PDIA5: variants seen among roughly 807,000 people sequenced by gnomAD.
PDIA5 encodes protein disulfide-isomerase A5.
A neutral mutation model predicts 77.6 loss-of-function variants in PDIA5; 58 were observed. That is an observed-to-expected ratio of 0.75 (90% CI 0.61 to 0.93). The LOEUF (loss-of-function observed/expected upper bound fraction) is 0.93. Ranked by LOEUF, PDIA5 falls within the 40% of genes least tolerant of loss-of-function variation. The pLI, the probability that PDIA5 is intolerant of heterozygous loss-of-function variation, is 0.00. For synonymous variants in PDIA5, 250 were observed against 252.1 expected, an observed-to-expected ratio of 0.99 and a Z score of 0.08; for missense variants, 630 against 647.7, an observed-to-expected ratio of 0.97 and a Z score of 0.30.
At chr3:123,102,729 C>G (rs754352755) in intron 4 of PDIA5, 22 bp from the exon 5 acceptor site, 24 of 1,585,718 alleles carry the variant, frequency 1.5e-5, no homozygotes, top group Admixed American at 6.7e-5. Flanking sequence ...AAAGTTAACA[C>G]ATTTTTCTCC....
At chr3:123,068,607 G>A (rs1482446401) in intron 1 of PDIA5, among the ~76,000 whole-genome samples, 1 of 152,210 alleles carries the variant, frequency 6.6e-6, no homozygotes, top group Non-Finnish European at 1.5e-5. Flanking sequence ...AGGAGGTCCT[G>A]CTTTCCTCCC....
chr3:123,121,494 T>C (rs1372924204), intron 8 of PDIA5, among the ~76,000 whole-genome samples: 2 of 152,226 alleles, frequency 1.3e-5, no homozygotes, highest in Non-Finnish European at 2.9e-5. Flanking sequence ...TTTTGCCTCA[T>C]TAACTAATAG....
chr3:123,134,175 C>T (rs189156325), intron 11 of PDIA5, among the ~76,000 whole-genome samples: 248 of 152,198 alleles, frequency 1.6e-3, no homozygotes, highest in Admixed American at 0.015. Context: ...AGGTGCACAC[C>T]GCCACACCTG....
chr3:123,116,250 G>A lies in PDIA5; in HGVS notation c.561G>A (p.Arg187=), dbSNP rs1934995550. 6.2e-7 allele frequency: 1 copy of A among 1,614,064 alleles called. No individual in the cohort carries two copies. Residue 187 remains arginine, a synonymous_variant, in exon 8 of 17, where the codon AGG becomes AGA. Transcript: ENST00000316218. ...GACCAGGGTGCAGCATGTGCAAGAG[G>A]ATGATGCCGCATTTCCAGAAGGCTG... ...FYAPWCSMCK[R]MMPHFQKAAT...
At chr3:123,155,137 T>C (rs1935992042) in intron 15 of PDIA5, 96 bp downstream of exon 15, 2 of 839,364 alleles carry the variant, frequency 2.4e-6, no homozygotes, top group Admixed American at 1.7e-5. Context: ...GGGGCAGGTC[T>C]GCTAAGACCT....
At chr3:123,079,393 G>T (rs1933937482) in intron 1 of PDIA5, among the ~76,000 whole-genome samples, 1 of 152,024 alleles carries the variant, frequency 6.6e-6, no homozygotes, top group Non-Finnish European at 1.5e-5. Context: ...TGTTGGCCAG[G>T]ATGGTCTCGA....
chr3:123,149,780 T>A (rs1935846736), intron 13 of PDIA5, among the ~76,000 whole-genome samples: 1 of 152,148 alleles, frequency 6.6e-6, no homozygotes, highest in Non-Finnish European at 1.5e-5. Flanking sequence ...TGGTAAGTCA[T>A]CTGGACTTGA....
intron 1 of PDIA5, among the ~76,000 whole-genome samples, chr3:123,072,724 C>T (rs1271875196): frequency 1.3e-5 from 2 of 152,148 alleles, no homozygotes; most frequent in African/African-American, 4.8e-5. Context: ...ACACTGTATC[C>T]CAGGAGGGTT....
chr3:123,141,841 G>C (rs56352660), intron 11 of PDIA5, among the ~76,000 whole-genome samples: 13,249 of 152,208 alleles, frequency 0.087, 1,887 homozygotes, highest in African/African-American at 0.3. Flanking sequence ...TGACATGTGG[G>C]CCAGTGTGGA....
intron 6 of PDIA5, among the ~76,000 whole-genome samples, chr3:123,107,748 AAC>A (rs1340789992): frequency 6.6e-6 from 1 of 152,128 alleles, no homozygotes; most frequent in African/African-American, 2.4e-5. Context: ...AATAAAATAA[AAC>A]ATAGCTTTCA....
At chr3:123,106,437 T>C (rs1934734675) in intron 5 of PDIA5, among the ~76,000 whole-genome samples, 1 of 152,170 alleles carries the variant, frequency 6.6e-6, no homozygotes, top group South Asian at 2.1e-4. Context: ...AGCCAACTCA[T>C]TGTCTCAAAT....
intron 8 of PDIA5, among the ~76,000 whole-genome samples, chr3:123,122,794 A>G (rs1344839562): frequency 6.6e-6 from 1 of 151,866 alleles, no homozygotes; most frequent in Non-Finnish European, 1.5e-5. Context: ...ACGGTTATTT[A>G]TTTTCCTCTC....
chr3:123,127,687 G>C (rs779380347), intron 10 of PDIA5, among the ~76,000 whole-genome samples: 8 of 152,082 alleles, frequency 5.3e-5, no homozygotes, highest in African/African-American at 1.2e-4. Flanking sequence ...GTTAGTGTTG[G>C]TTCTCCTCTT....
chr3:123,126,715 G>A (rs889987867), intron 10 of PDIA5, among the ~76,000 whole-genome samples: 4 of 152,290 alleles, frequency 2.6e-5, no homozygotes, highest in South Asian at 2.1e-4. Flanking sequence ...CAGGGCTTCT[G>A]TGCAGCCAAG....
chr3:123,111,334 C>G (rs1934859388), intron 7 of PDIA5, among the ~76,000 whole-genome samples: 1 of 152,226 alleles, frequency 6.6e-6, no homozygotes, highest in South Asian at 2.1e-4. Flanking sequence ...GTGGCGGTCA[C>G]CTTGTGGCTG....
chr3:123,067,462 G>A, intron 1 of PDIA5: 1 of 390,722 alleles, frequency 2.6e-6, no homozygotes. Flanking sequence ...CTGGCAGGGT[G>A]CTTACGCCAC....
intron 10 of PDIA5, among the ~76,000 whole-genome samples, chr3:123,128,607 A>G (rs1935296022): frequency 6.6e-6 from 1 of 152,130 alleles, no homozygotes; most frequent in South Asian, 2.1e-4. Context: ...TCCTGGACTC[A>G]AGCGATCCTC....
intron 10 of PDIA5, among the ~76,000 whole-genome samples, chr3:123,128,725 G>A (rs1935299488): frequency 6.6e-6 from 1 of 152,000 alleles, no homozygotes; most frequent in Admixed American, 6.6e-5. Flanking sequence ...CTGTTGCCCA[G>A]GCTGGCAAAA....
rs761715298 is a variant in PDIA5 at position 123,130,531 on chromosome 3, C to A, written c.825C>A (p.Gly275=). ...CTGAGACTCCCTGGGCAGATGAGGG[C>A]GGCTCCGTTTATCACCTGACCGATG... ...QVPETPWADE[G]GSVYHLTDED... Residue 275 remains glycine, a synonymous_variant, in exon 11 of 17, where the codon GGC becomes GGA. Coordinates refer to ENST00000316218, the MANE Select transcript of PDIA5 (RefSeq NM_006810.4). 6.2e-6 allele frequency: 10 copies of A among 1,613,890 alleles called. No individual in the cohort carries two copies.
Sources: allele counts gnomAD v4.1 joint callset (sites outside exome capture counted in the v4.1 genomes callset), GRCh38; gene constraint gnomAD v4.1.1; transcripts MANE v1.5; gene names NCBI Gene and HGNC (gene_info 2026-07-23, HGNC 2026-07-21).